POGZ: variants seen among roughly 807,000 people sequenced by gnomAD.
POGZ encodes the protein pogo transposable element derived with ZNF domain.
POGZ carries 17 observed loss-of-function variants against 134.6 expected under a neutral mutation model. The observed-to-expected ratio is 0.13, with a 90% confidence interval of 0.09 to 0.19. The LOEUF is 0.19. Ranked by LOEUF, POGZ falls within the 10% of genes least tolerant of loss-of-function variation. The probability of loss-of-function intolerance (pLI) is 1.00; values close to 1 mark genes in which losing one functional copy is unlikely to be tolerated. For synonymous variants in POGZ, 693 were observed against 657.1 expected (o/e 1.05, Z -0.84); for missense variants, 1,306 against 1,769.7 (o/e 0.74, Z 4.70).
Position 151,450,094 on chromosome 1 carries a change from C to T in POGZ, c.-1-7889G>A, listed in dbSNP as rs147050160. ...TCACCCAGGCTGCAGCGCAGAGGCA[C>T]GATCTCGGCTCACTGCAACCTCCGC... is the stretch of plus-strand genomic sequence containing the variant. On this transcript the variant is annotated intron_variant, in intron 1 of 18. Coordinates refer to ENST00000271715, the MANE Select transcript of POGZ (RefSeq NM_015100.4). Among the ~76,000 whole-genome samples the T allele has an allele frequency of 5.1e-3, 719 of 139,910 alleles. 9 individuals carry two copies. The highest frequency in any genetic ancestry group is 0.018 in the African/African-American group (679 of 37,596). The allele number at this position is 139,910 out of a possible 152,430, so 91.8% of individuals were successfully genotyped here. A position where few individuals can be genotyped will look rare whatever the true frequency, so the allele number is the denominator to read the frequency against.
At chr1:151,416,902 G>GT (rs1342972651) in intron 10 of POGZ, among the ~76,000 whole-genome samples, 2 of 152,104 alleles carry the variant, frequency 1.3e-5, no homozygotes, top group African/African-American at 2.4e-5. Context: ...AAAGTGCTAG[G>GT]ATTAGAGGCA....
In POGZ at chr1:151,442,132, T is replaced by C. The variant is rs764286455; in HGVS notation, c.73A>G (p.Ile25Val). 4 of 1,609,568 alleles carry C rather than the reference T, an allele frequency of 2.5e-6. No individual in the cohort carries two copies. The South Asian group carries it at 4.4e-5, about 18-fold the overall frequency. The change falls in exon 2 of 19, where the codon ATT becomes GTT. Residue 25 changes from isoleucine to valine, a missense_variant. Ile to Val is a conservative substitution (Grantham distance 29). Transcript: ENST00000271715. ...TAATCTTCAACTACAGAGTCCTCAA[T>C]GACATCACTGATTTTCTGCCATGGC... is the stretch of plus-strand genomic sequence containing the variant. The part of the protein sequence containing the change: ...LEPWQKISDV[I>V]EDSVVEDYNS...
At chr1:151,429,545 A>AT in intron 5 of POGZ, 58 bp downstream of exon 5, 1 of 865,480 alleles carries the variant, frequency 1.2e-6, no homozygotes, top group Non-Finnish European at 1.9e-6. Flanking sequence ...ATTTAGAACA[A>AT]TAAAAACAAA....
chr1:151,408,569 C>A lies in POGZ; in HGVS notation c.2074G>T (p.Ala692Ser). ...LKPGTKVTIR[A>S]SRGQPRTVPV... ...ACAGTTCGTGGCTGCCCTCGGGAAG[C>A]CCGGATTGTCACCTGAGAACCAAGG... Residue 692 changes from alanine to serine, a missense_variant, in exon 14 of 19, where the codon GCT becomes TCT. Around this residue, in one of 10 missense-constraint regions of POGZ, gnomAD observed 149 missense variants for 237.5 expected, o/e 0.63. Coordinates refer to ENST00000271715, the MANE Select transcript of POGZ (RefSeq NM_015100.4). 1 of 1,610,656 alleles carries A rather than the reference C, an allele frequency of 6.2e-7. No homozygotes were observed. Among genetic ancestry groups the A allele is most frequent in the South Asian group, 1.1e-5 (1 of 90,538 alleles).
chr1:151,403,861 C>T lies in POGZ; in HGVS notation c.*941G>A. The T allele has an allele frequency of 1.0e-6, 1 of 985,436 alleles. No homozygotes were observed. Among genetic ancestry groups the T allele is most frequent in the Non-Finnish European group, 1.2e-6 (1 of 829,942 alleles). The allele number at this position is 985,436 out of a possible 1,614,324, so 61.0% of individuals were successfully genotyped here. A position where few individuals can be genotyped will look rare whatever the true frequency, so the allele number is the denominator to read the frequency against. ...TGAAGTTCAGTAAAGCAGGGACTGC[C>T]CCTGGGGGCTTACAGGATGAAGACT... On this transcript the variant is annotated 3_prime_UTR_variant, in exon 19 of 19. Coordinates refer to ENST00000271715, the MANE Select transcript of POGZ (RefSeq NM_015100.4).
intron 10 of POGZ, among the ~76,000 whole-genome samples, chr1:151,414,770 G>A (rs1415817509): frequency 3.3e-5 from 5 of 151,942 alleles, no homozygotes; most frequent in African/African-American, 7.3e-5. Flanking sequence ...CAACAAGAGC[G>A]AAACTCCCTC....
At chr1:151,426,877 G>C (rs1413935321) in intron 7 of POGZ, 1 of 151,978 alleles carries the variant, frequency 6.6e-6, no homozygotes, top group Non-Finnish European at 1.5e-5. Context: ...ACTTCTTTTG[G>C]ACATGGATAT....
At chr1:151,432,912 A>G (rs995580216) in intron 3 of POGZ, among the ~76,000 whole-genome samples, 1 of 152,230 alleles carries the variant, frequency 6.6e-6, no homozygotes, top group Non-Finnish European at 1.5e-5. Context: ...AATGTTTGCA[A>G]AGTGCAACTG....
rs1440771735 is a variant in POGZ, at chr1:151,424,202, G to A, written c.1270C>T (p.Pro424Ser). 1 of 1,614,016 alleles carries A rather than the reference G, an allele frequency of 6.2e-7. No individual in the cohort carries two copies. Residue 424 changes from proline (P) to serine (S), a missense_variant, in exon 9 of 19, where the codon CCA becomes TCA. This residue lies in a region of POGZ where 541 missense variants were observed against 680.5 expected (regional missense o/e 0.80). Transcript: ENST00000271715. ...ACAGGAGCTGTTTTCTCAGGGGATG[G>A]GGGCTTTGCTGCTGATGGGACACTG... ...EPSVPSAAKPPSPEKTAPVAS... is the reference protein window; with the variant it reads ...EPSVPSAAKPSSPEKTAPVAS...
intron 12 of POGZ, among the ~76,000 whole-genome samples, chr1:151,410,637 A>C (rs930032219): frequency 6.6e-6 from 1 of 152,232 alleles, no homozygotes; most frequent in Non-Finnish European, 1.5e-5. Flanking sequence ...TATAGGATTT[A>C]TATAACGCTG....
chr1:151,417,362 CTCT>C (rs1322497943), intron 10 of POGZ, among the ~76,000 whole-genome samples: 1 of 148,532 alleles, frequency 6.7e-6, no homozygotes, highest in Non-Finnish European at 1.5e-5. Context: ...GCGCCCGGCC[CTCT>C]TTTTTTTTTT....
At chr1:151,446,246 C>G (rs911262616) in intron 1 of POGZ, among the ~76,000 whole-genome samples, 1 of 115,118 alleles carries the variant, frequency 8.7e-6, no homozygotes, top group African/African-American at 3.2e-5. Context: ...CCAAATCTTT[C>G]TCATAAGGAA....
chr1:151,424,047 T>C lies in POGZ; in HGVS notation c.1425A>G (p.Gly475=). The change falls in exon 9 of 19, where the codon GGA becomes GGG. Residue 475 remains glycine (G), a synonymous_variant. Coordinates refer to ENST00000271715, the MANE Select transcript of POGZ (RefSeq NM_015100.4). The stretch of plus-strand genomic sequence containing the variant: ...GCTGGGCTACTTTGCCACCATCCCG[T>C]CCATAGTAGAAGTCATCTACAAGCA... ...LIMLVDDFYY[G]RDGGKVAQLT... The C allele has an allele frequency of 6.2e-7, 1 of 1,614,138 alleles. No homozygotes were observed. The highest frequency in any genetic ancestry group is 8.5e-7 in the Non-Finnish European group (1 of 1,180,006).
In POGZ at chr1:151,455,897, T is replaced by TC. The variant is rs1446440888; in HGVS notation, c.-2+3254_-2+3255insG. Among the ~76,000 whole-genome samples the TC allele has an allele frequency of 1.2e-4, 17 of 139,302 alleles. No homozygotes were observed. In the East Asian group the frequency reaches 2.5e-3, roughly 20 times the overall value. The allele number at this position is 139,302 out of a possible 152,430, so 91.4% of individuals were successfully genotyped here. Reference sequence around the variant, plus strand: ...CTCAACAAACGGTAGTTTCTTTCTTTTTTTTTTTTTTTTTTTTTTTTAATA... The same window carrying TC: ...CTCAACAAACGGTAGTTTCTTTCTTTCTTTTTTTTTTTTTTTTTTTTTAATA... On this transcript the variant is annotated intron_variant, in intron 1 of 18. Coordinates refer to ENST00000271715, the MANE Select transcript of POGZ (RefSeq NM_015100.4).
chr1:151,443,078 T>TAGGATG (rs1660783548), intron 1 of POGZ, among the ~76,000 whole-genome samples: 1 of 152,154 alleles, frequency 6.6e-6, no homozygotes. Flanking sequence ...GGGCCAGGGT[T>TAGGATG]AGGATGAGGA....
Position 151,403,854 on chromosome 1 carries a change from G to T in POGZ, c.*948C>A. ...AACAGGATGAAGTTCAGTAAAGCAGGGACTGCCCCTGGGGGCTTACAGGAT... is the reference window on the plus strand; with the variant it reads ...AACAGGATGAAGTTCAGTAAAGCAGTGACTGCCCCTGGGGGCTTACAGGAT... On this transcript the variant is annotated 3_prime_UTR_variant, in exon 19 of 19. Coordinates refer to ENST00000271715, the MANE Select transcript of POGZ (RefSeq NM_015100.4). The T allele has an allele frequency of 4.1e-6, 4 of 985,444 alleles. No individual in the cohort carries two copies. In the South Asian group the frequency reaches 1.9e-4, roughly 46 times the overall value. 61.0% of individuals were successfully genotyped at this position (985,444 alleles called of 1,614,324 possible).
At chr1:151,425,437 A>G (rs1657609908) in intron 7 of POGZ, 1 of 158,186 alleles carries the variant, frequency 6.3e-6, no homozygotes, top group Admixed American at 6.3e-5. Flanking sequence ...TTTGTATGTG[A>G]TTTTTTTGTT....
chr1:151,425,123 C>T, intron 7 of POGZ, 62 bp from the exon 8 acceptor site: 1 of 891,948 alleles, frequency 1.1e-6, no homozygotes, highest in Non-Finnish European at 1.8e-6. Flanking sequence ...GATTACTGAC[C>T]TTTTGGGAAA....
intron 7 of POGZ, chr1:151,425,344 A>G: frequency 3.9e-6 from 1 of 259,620 alleles, no homozygotes. Context: ...TTCTAACTCT[A>G]GGCCAGGGGT....
Sources: allele counts gnomAD v4.1 joint callset (sites outside exome capture counted in the v4.1 genomes callset), GRCh38; gene constraint gnomAD v4.1.1; regional missense constraint gnomAD v4.1.1; transcripts MANE v1.5; gene names NCBI Gene and HGNC (gene_info 2026-07-23, HGNC 2026-07-21).